Variants in TRRAP observed in about 807,000 individuals in gnomAD.
TRRAP encodes the protein transformation/transcription domain-associated protein.
TRRAP carries 41 observed loss-of-function variants against 438.8 expected under a neutral mutation model. That is an observed-to-expected ratio of 0.09 (90% CI 0.07 to 0.12). TRRAP has a LOEUF of 0.12. TRRAP is among the 10% of genes least tolerant of loss of function. The pLI, the probability that TRRAP is intolerant of heterozygous loss-of-function variation, is 1.00. For synonymous variants in TRRAP, 1,994 were observed against 1,962.9 expected, an observed-to-expected ratio of 1.02 and a Z score of -0.42; for missense variants, 3,122 against 5,055.1, an observed-to-expected ratio of 0.62 and a Z score of 11.60.
At chr7:98,961,184 G>T in intron 45 of TRRAP, 77 bp from the exon 46 acceptor site, 1 of 1,415,162 alleles carries the variant, frequency 7.1e-7, no homozygotes, top group South Asian at 1.2e-5. Context: ...GCTAGATTTT[G>T]CCAGACTCTT....
At position 98,927,311 on chromosome 7, in the gene TRRAP, C is replaced by G. The variant is rs782026521; in HGVS notation, c.3120C>G (p.Pro1040=). The G allele has an allele frequency of 1.2e-6, 2 of 1,614,122 alleles. No individual in the cohort carries two copies. Among genetic ancestry groups the G allele is most frequent in the Non-Finnish European group, 1.7e-6 (2 of 1,180,038 alleles). The change falls in exon 23 of 73, where the codon CCC becomes CCG. Residue 1040 remains proline, a synonymous_variant. Coordinates refer to ENST00000456197, the MANE Select transcript of TRRAP (RefSeq NM_001375524.1). The part of the protein sequence containing the change: ...VIKDLRPSAL[P]FVASLIRHYT... The stretch of plus-strand genomic sequence containing the variant: ...AGGACCTGCGGCCCAGCGCCCTGCC[C>G]TTTGTCGCCAGCTTGATCCGCCACT...
chr7:98,891,039 T>TC (rs1180887254), intron 4 of TRRAP, among the ~76,000 whole-genome samples: 1 of 150,918 alleles, frequency 6.6e-6, no homozygotes, highest in Non-Finnish European at 1.5e-5. Context: ...CAATAGATCC[T>TC]CCTTCCTCAG....
chr7:98,935,620 G>A lies in TRRAP; in HGVS notation c.4056G>A (p.Lys1352=), dbSNP rs375774257. 1.7e-5 allele frequency: 28 copies of A among 1,605,970 alleles called. No individual in the cohort carries two copies. The highest frequency in any genetic ancestry group is 2.3e-5 in the Non-Finnish European group (27 of 1,173,156). Residue 1352 remains lysine (K), a synonymous_variant, in exon 28 of 73, where the codon AAG becomes AAA. Transcript: ENST00000456197. ...AGGCTGAAGATTCAGCTTTAACAAA[G>A]CTGCCCTGTTATAAAAGCCTTCCGT... ...LCEAEDSALT[K]LPCYKSLPSL... is the part of the protein sequence containing the mutation.
chr7:98,931,171 G>A (rs1394983112), intron 25 of TRRAP, among the ~76,000 whole-genome samples: 1 of 152,220 alleles, frequency 6.6e-6, no homozygotes. Context: ...AACATGATGG[G>A]CATTGCCAGC....
intron 28 of TRRAP, 85 bp from the exon 29 acceptor site, chr7:98,937,071 A>G (rs1437104342): frequency 2.8e-5 from 41 of 1,441,256 alleles, no homozygotes; most frequent in Non-Finnish European, 3.6e-5. Flanking sequence ...CTACCAAATA[A>G]TAATAATAAA....
Position 98,908,135 on chromosome 7 carries a change from C to G in TRRAP, c.1116-593C>G, listed in dbSNP as rs1554407829. Among the ~76,000 whole-genome samples, 1 of 152,250 alleles carries G rather than the reference C, an allele frequency of 6.6e-6. No individual in the cohort carries two copies. Among genetic ancestry groups the G allele is most frequent in the African/African-American group, 2.4e-5 (1 of 41,470 alleles). On this transcript the variant is annotated intron_variant, in intron 13 of 72. Coordinates refer to ENST00000456197, the MANE Select transcript of TRRAP (RefSeq NM_001375524.1). The surrounding 1 kb of genome is among the most constrained non-coding windows in gnomAD (Gnocchi z 4.1). ...TTTAAGAATAGCTTGCCCCACTCAT[C>G]TTTCTCATGTGCCCTTTTCACATCC...
At chr7:98,909,792 C>CCTTT (rs71118645) in intron 14 of TRRAP, among the ~76,000 whole-genome samples, 135,919 of 151,880 alleles carry the variant, frequency 0.89, 60,893 homozygotes, top group South Asian at 0.94. Flanking sequence ...TAAATCGGCA[C>CCTTT]CTTTTCCTTT....
intron 27 of TRRAP, among the ~76,000 whole-genome samples, chr7:98,933,969 G>A (rs1261834353): frequency 6.6e-6 from 1 of 152,194 alleles, no homozygotes. Flanking sequence ...GTTATTTAGA[G>A]CATGATTCCT....
At chr7:98,989,565 A>T (rs1415056577) in intron 63 of TRRAP, among the ~76,000 whole-genome samples, 1 of 152,212 alleles carries the variant, frequency 6.6e-6, no homozygotes, top group East Asian at 1.9e-4. Flanking sequence ...TATTTTGTCC[A>T]TTAAAGGTTT....
Position 98,959,445 on chromosome 7 carries a change from G to A in TRRAP, c.6444G>A (p.Lys2148=), listed in dbSNP as rs1445511610. Residue 2148 remains lysine (K), a synonymous_variant, in exon 45 of 73, where the codon AAG becomes AAA. Coordinates refer to ENST00000456197, the MANE Select transcript of TRRAP (RefSeq NM_001375524.1). ...CGTTGCGGCCAGACATGTGGCCCAA[G>A]TCCGAACTCAAGCTGCAGTGGTTCG... is the stretch of plus-strand genomic sequence containing the variant. ...KTALRPDMWP[K]SELKLQWFDK... is the part of the protein sequence containing the mutation. 1.2e-6 allele frequency: 2 copies of A among 1,614,040 alleles called. No individual in the cohort carries two copies. Among genetic ancestry groups the A allele is most frequent in the East Asian group, 4.5e-5 (2 of 44,858 alleles).
chr7:98,962,174 C>G, intron 46 of TRRAP, 128 bp from the exon 47 acceptor site: 1 of 1,413,536 alleles, frequency 7.1e-7, no homozygotes, highest in Non-Finnish European at 9.8e-7. Context: ...CCCACACTGT[C>G]CTGCAGGGAG....
chr7:99,003,658 TCTCTTC>T (rs925681013), intron 67 of TRRAP, among the ~76,000 whole-genome samples: 10 of 152,210 alleles, frequency 6.6e-5, no homozygotes, highest in African/African-American at 2.4e-4. Flanking sequence ...TGGTGGTTCC[TCTCTTC>T]CTCTTCCTCT....
chr7:99,008,702 C>T lies in TRRAP; in HGVS notation c.10938+141C>T, dbSNP rs1028363474. ...TGTCATTTAAAGTAACTTTATTAGA[C>T]TCATGAGATGGTGGAAATGAGACAG... On this transcript the variant is annotated intron_variant, in intron 70 of 72. Coordinates refer to ENST00000456197, the MANE Select transcript of TRRAP (RefSeq NM_001375524.1). 6 of 916,566 alleles carry T rather than the reference C, an allele frequency of 6.5e-6. No individual in the cohort carries two copies. In the Admixed American group the frequency reaches 1.1e-4, roughly 17 times the overall value. 56.8% of individuals were successfully genotyped at this position (916,566 alleles called of 1,614,324 possible).
Position 98,948,070 on chromosome 7 carries a change from C to G in TRRAP, c.4549-151C>G. The G allele has an allele frequency of 9.1e-7, 1 of 1,095,336 alleles. No homozygotes were observed. Among genetic ancestry groups the G allele is most frequent in the Non-Finnish European group, 1.3e-6 (1 of 760,548 alleles). The allele number at this position is 1,095,336 out of a possible 1,614,324, so 67.9% of individuals were successfully genotyped here. On this transcript the variant is annotated intron_variant, in intron 33 of 72. Transcript: ENST00000456197. The surrounding 1 kb of genome is among the most constrained non-coding windows in gnomAD (Gnocchi z 4.9). The stretch of plus-strand genomic sequence containing the variant: ...GACACAGCACAGTTAGAACCTAAGG[C>G]TAGTAAGTTGTGGCTTTTACATGTG...
In TRRAP at chr7:98,900,790, G is replaced by A. The variant is rs1394168501; in HGVS notation, c.897+70G>A. The A allele has an allele frequency of 5.2e-6, 7 of 1,341,738 alleles. No individual in the cohort carries two copies. The East Asian group carries it at 1.2e-4, about 22-fold the overall frequency. The allele number at this position is 1,341,738 out of a possible 1,614,324, so 83.1% of individuals were successfully genotyped here. On this transcript the variant is annotated intron_variant, in intron 11 of 72. Transcript: ENST00000456197. ...ATACAATAAAATTCACCTTTTGTGG[G>A]TGTACAGTTCTAGGAATTGACAAAT...
intron 45 of TRRAP, among the ~76,000 whole-genome samples, chr7:98,959,936 TAAAAAA>T (rs780800568): frequency 1.8e-5 from 2 of 112,694 alleles, no homozygotes; most frequent in Non-Finnish European, 3.6e-5. Context: ...CCTGGTCTCT[TAAAAAA>T]AAAAAAAAAA....
chr7:99,008,659 T>C, intron 70 of TRRAP, 98 bp downstream of exon 70: 1 of 1,319,778 alleles, frequency 7.6e-7, no homozygotes, highest in Non-Finnish European at 1.0e-6. Context: ...TGAACAGGCA[T>C]TTGTTGGGGG....
rs1299151390 is a variant in TRRAP, at chr7:98,880,598, G to GGGC, written c.-61-491_-61-490insGCG. Among the ~76,000 whole-genome samples the GGGC allele has an allele frequency of 5.9e-5, 9 of 152,086 alleles. No homozygotes were observed. In the South Asian group the frequency reaches 6.2e-4, roughly 11 times the overall value. ...TTTATACCGCCCATGAGCTAAGAAT[G>GGGC]GTTTTATATTTTTAAATGGCTGGGG... is the stretch of plus-strand genomic sequence containing the variant. On this transcript the variant is annotated intron_variant, in intron 1 of 72. Transcript: ENST00000456197.
Position 98,955,320 on chromosome 7 carries a change from G to T in TRRAP, c.5937+16G>T, listed in dbSNP as rs782376509. Reference sequence around the variant, plus strand: ...ACACTTCAAGGTGTGTAGGAGGGACGGTGGGCTGCGGGGCGCGCGTCTTCA... The same window carrying T: ...ACACTTCAAGGTGTGTAGGAGGGACTGTGGGCTGCGGGGCGCGCGTCTTCA... On this transcript the variant is annotated intron_variant, in intron 41 of 72. Coordinates refer to ENST00000456197, the MANE Select transcript of TRRAP (RefSeq NM_001375524.1). 1.3e-6 allele frequency: 2 copies of T among 1,592,546 alleles called. No homozygotes were observed. The highest frequency in any genetic ancestry group is 2.7e-5 in the African/African-American group (2 of 74,470).
Sources: gnomAD v4.1 joint callset for allele counts (sites outside exome capture counted in the v4.1 genomes callset) on GRCh38, gnomAD v4.1.1 for gene constraint, Gnocchi (gnomAD v3.1) non-coding constraint, MANE v1.5 for transcripts, NCBI Gene and HGNC (gene_info 2026-07-23, HGNC 2026-07-21) for gene names.